The following ZNF559 variants were observed in gnomAD, a reference collection of about 807,000 sequenced individuals.
ZNF559 encodes the protein zinc finger protein 559, also known as putative protein product of Nbla00121.
Under a neutral mutation model 14.2 loss-of-function variants are expected in ZNF559, and 17 were observed. The observed-to-expected ratio is 1.20, with a 90% CI of 0.82 to 1.80. The LOEUF (loss-of-function observed/expected upper bound fraction) is 1.80. Among genes scored for constraint, ZNF559 ranks in the 40% most tolerant of loss-of-function variants. The pLI, the probability that ZNF559 is intolerant of heterozygous loss-of-function variation, is 0.00. For missense variants in ZNF559, 740 were observed against 629.7 expected, an observed-to-expected ratio of 1.18 and a Z score of -1.88; for synonymous variants, 244 against 212.4, an observed-to-expected ratio of 1.15 and a Z score of -1.29.
Position 9,343,331 on chromosome 19 carries a change from T to G in ZNF559, c.*263T>G. The stretch of plus-strand genomic sequence containing the variant: ...AAACTGAACGTAGGAAACCTGTCGA[T>G]GCTTACATCTTACTGAGTCTGTTTG... On this transcript the variant is annotated 3_prime_UTR_variant, in exon 7 of 7. Coordinates refer to ENST00000603380, the MANE Select transcript of ZNF559 (RefSeq NM_032497.3). The G allele has an allele frequency of 3.2e-6, 4 of 1,234,936 alleles. No individual in the cohort carries two copies. Among genetic ancestry groups the G allele is most frequent in the Non-Finnish European group, 4.1e-6 (4 of 982,580 alleles). The allele number at this position is 1,234,936 out of a possible 1,614,324, so 76.5% of individuals were successfully genotyped here.
intron 3 of ZNF559, 189 bp downstream of exon 3, chr19:9,338,047 G>A (rs1023429327): frequency 1.2e-5 from 18 of 1,525,744 alleles, no homozygotes; most frequent in East Asian, 4.9e-5. Flanking sequence ...CCTTCAAGAC[G>A]CTGCTTTAAC....
intron 2 of ZNF559, among the ~76,000 whole-genome samples, chr19:9,328,235 T>C (rs2066735934): frequency 1.3e-5 from 2 of 152,074 alleles, no homozygotes; most frequent in African/African-American, 4.8e-5. Context: ...TTGAGTTTCT[T>C]TATATTTCTT....
At chr19:9,326,825 A>G (rs1674276388) in intron 2 of ZNF559, among the ~76,000 whole-genome samples, 1 of 152,196 alleles carries the variant, frequency 6.6e-6, no homozygotes, top group African/African-American at 2.4e-5. Flanking sequence ...CTTGATCTGT[A>G]TTTAGAGTTT....
At position 9,342,448 on chromosome 19, in the gene ZNF559, G is replaced by A. The variant is rs1260387957; in HGVS notation, c.997G>A (p.Ala333Thr). ...KPYECNKCGK[A>T]FTDSSGLIKH... Reference sequence around the variant, plus strand: ...GTATGAGTGCAACAAATGTGGGAAAGCCTTCACTGATTCATCAGGTCTTAT... The same window carrying A: ...GTATGAGTGCAACAAATGTGGGAAAACCTTCACTGATTCATCAGGTCTTAT... Residue 333 changes from alanine (A) to threonine (T), a missense_variant, in exon 7 of 7, where the codon GCC (alanine) becomes ACC (threonine). Physicochemically the swap from Ala to Thr is moderately conservative, Grantham distance 58 (BLOSUM62 0). Transcript: ENST00000603380. 2.5e-6 allele frequency: 4 copies of A among 1,614,138 alleles called. No homozygotes were observed. In the South Asian group the frequency reaches 3.3e-5, roughly 13 times the overall value.
chr19:9,338,075 G>T, intron 3 of ZNF559: 1 of 1,465,436 alleles, frequency 6.8e-7, no homozygotes, highest in South Asian at 1.2e-5. Context: ...TGAACAGCTT[G>T]TCTTGTGATT....
rs1199932126 is a variant in ZNF559, at chr19:9,343,811, A to T, written c.*743A>T. The T allele has an allele frequency of 1.0e-6, 1 of 984,038 alleles. No homozygotes were observed. The highest frequency in any genetic ancestry group is 1.2e-6 in the Non-Finnish European group (1 of 828,744). 61.0% of individuals were successfully genotyped at this position (984,038 alleles called of 1,614,324 possible). Reference sequence around the variant, plus strand: ...TAAATATACATGTTTTAAAGAGGTTATATATCATTAATAAAAATATCTAGC... The same window carrying T: ...TAAATATACATGTTTTAAAGAGGTTTTATATCATTAATAAAAATATCTAGC... On this transcript the variant is annotated 3_prime_UTR_variant, in exon 7 of 7. Coordinates refer to ENST00000603380, the MANE Select transcript of ZNF559 (RefSeq NM_032497.3).
chr19:9,326,329 A>G (rs975743519), intron 2 of ZNF559, among the ~76,000 whole-genome samples: 5 of 151,606 alleles, frequency 3.3e-5, no homozygotes, highest in African/African-American at 9.7e-5. Flanking sequence ...CTGGTCTCGA[A>G]CTCCTGACCT....
intron 5 of ZNF559, among the ~76,000 whole-genome samples, 197 bp from the exon 6 acceptor site, chr19:9,340,905 T>G (rs1367089904): frequency 6.6e-6 from 1 of 152,072 alleles, no homozygotes; most frequent in Non-Finnish European, 1.5e-5. Flanking sequence ...ACCTACCAAC[T>G]TGACCTCAGT....
intron 2 of ZNF559, among the ~76,000 whole-genome samples, chr19:9,325,200 T>G (rs1376811229): frequency 6.7e-4 from 102 of 151,650 alleles, no homozygotes; most frequent in African/African-American, 2.4e-3. Flanking sequence ...ATCCCAGCGT[T>G]TTGGGAGGCT....
Position 9,337,829 on chromosome 19 carries a change from T to C in ZNF559, c.-86T>C. 6.8e-6 allele frequency: 10 copies of C among 1,472,898 alleles called. No homozygotes were observed. The highest frequency in any genetic ancestry group is 9.0e-6 in the Non-Finnish European group (10 of 1,114,744). The allele number at this position is 1,472,898 out of a possible 1,614,324, so 91.2% of individuals were successfully genotyped here. A position where few individuals can be genotyped will look rare whatever the true frequency, so the allele number is the denominator to read the frequency against. ...CTAATGAATGGCGCTTGATGACAGA[T>C]GAGTAATGCCTGTTGCTGAAAGATT... On this transcript the variant is annotated 5_prime_UTR_variant, in exon 3 of 7. The change abolishes an upstream ATG in the 5' untranslated region. Transcript: ENST00000603380.
intron 2 of ZNF559, among the ~76,000 whole-genome samples, chr19:9,330,901 A>AGT (rs1233641032): frequency 1.3e-5 from 2 of 152,170 alleles, no homozygotes; most frequent in Non-Finnish European, 2.9e-5. Context: ...TGTGCACTGA[A>AGT]GTAGTAGGTA....
chr19:9,337,104 G>T (rs2067280435), intron 2 of ZNF559, among the ~76,000 whole-genome samples: 1 of 152,150 alleles, frequency 6.6e-6, no homozygotes, highest in Non-Finnish European at 1.5e-5. Context: ...TTGCCAACTA[G>T]GGAAGCTCAC....
chr19:9,339,587 C>G (rs2067429948), intron 5 of ZNF559, among the ~76,000 whole-genome samples: 1 of 152,062 alleles, frequency 6.6e-6, no homozygotes, highest in Non-Finnish European at 1.5e-5. Context: ...GGAAGGATTG[C>G]TAGTCCTTTT....
At position 9,344,743 on chromosome 19, in the gene ZNF559, T is replaced by A. The variant is rs1472018932; in HGVS notation, c.*1675T>A. The stretch of plus-strand genomic sequence containing the variant: ...CTTTAAAGACTAATGATATTGAACA[T>A]CACTTTCATATGCTTATGAGTCTTT... On this transcript the variant is annotated 3_prime_UTR_variant, in exon 7 of 7. Coordinates refer to ENST00000603380, the MANE Select transcript of ZNF559 (RefSeq NM_032497.3). The A allele has an allele frequency of 6.6e-6, 1 of 152,238 alleles. No homozygotes were observed. Among genetic ancestry groups the A allele is most frequent in the East Asian group, 1.9e-4 (1 of 5,202 alleles). The allele number at this position is 152,238 out of a possible 1,614,324, so 9.4% of individuals were successfully genotyped here.
chr19:9,342,038 C>T lies in ZNF559; in HGVS notation c.587C>T (p.Ser196Phe). ...AGTGACTGTGAAAAAGGCTTACCTT[C>T]CTCCTCACACCTCAGAGAATGTGTA... The part of the protein sequence containing the change: ...KCSDCEKGLP[S>F]SSHLRECVRI... The change falls in exon 7 of 7, where the codon TCC becomes TTC. Residue 196 changes from serine (S) to phenylalanine (F), a missense_variant. By Grantham distance (155) the Ser-to-Phe change is radical (BLOSUM62 -2). Coordinates refer to ENST00000603380, the MANE Select transcript of ZNF559 (RefSeq NM_032497.3). 2 of 1,610,090 alleles carry T rather than the reference C, an allele frequency of 1.2e-6. No homozygotes were observed. The highest frequency in any genetic ancestry group is 2.2e-5 in the East Asian group (1 of 44,848).
upstream of ZNF559, chr19:9,324,146 C>T (rs921501643): frequency 2.0e-6 from 3 of 1,535,666 alleles, no homozygotes; most frequent in East Asian, 4.9e-5. Context: ...TGGTCCTAGC[C>T]TTTGCGCGTG....
chr19:9,340,733 A>ATT (rs201367378), intron 5 of ZNF559, among the ~76,000 whole-genome samples: 9 of 124,654 alleles, frequency 7.2e-5, no homozygotes, highest in African/African-American at 1.9e-4. Flanking sequence ...TGCCTGGCTA[A>ATT]TTTTTTTTTT....
intron 2 of ZNF559, among the ~76,000 whole-genome samples, chr19:9,335,005 G>A (rs1020972308): frequency 6.6e-6 from 1 of 151,968 alleles, no homozygotes; most frequent in African/African-American, 2.4e-5. Flanking sequence ...GCATGGTGGT[G>A]GGCGCCTGTA....
At chr19:9,336,158 T>G (rs1369750394) in intron 2 of ZNF559, among the ~76,000 whole-genome samples, 1 of 152,224 alleles carries the variant, frequency 6.6e-6, no homozygotes, top group Non-Finnish European at 1.5e-5. Flanking sequence ...TATGGTTATT[T>G]TCTTATATTT....
Sources: gnomAD v4.1 joint callset for allele counts (sites outside exome capture counted in the v4.1 genomes callset) on GRCh38, gnomAD v4.1.1 for gene constraint, MANE v1.5 for transcripts, NCBI Gene and HGNC (gene_info 2026-07-23, HGNC 2026-07-21) for gene names.